FARS2: variants seen among roughly 807,000 people sequenced by gnomAD.
FARS2 encodes the protein phenylalanine--tRNA ligase, mitochondrial.
In FARS2, 40 loss-of-function variants were observed where a neutral mutation model predicts 46.4. The ratio of observed to expected loss-of-function variants is 0.86; its 90% CI spans 0.67 to 1.12. FARS2 has a LOEUF of 1.12. Ranked by LOEUF, FARS2 falls within the 50% of genes most tolerant of loss-of-function variation. The pLI, the probability that FARS2 is intolerant of heterozygous loss-of-function variation, is 0.00. For synonymous variants in FARS2, 234 were observed against 214.9 expected (o/e 1.09, Z -0.78); for missense variants, 513 against 567.9 (o/e 0.90, Z 0.98).
chr6:5,538,491 G>T (rs1437138948), intron 4 of FARS2, among the ~76,000 whole-genome samples: 1 of 152,098 alleles, frequency 6.6e-6, no homozygotes, highest in Non-Finnish European at 1.5e-5. Flanking sequence ...CTCCGATGGG[G>T]CCAAAGTAAA....
At chr6:5,503,593 A>G (rs1767936416) in intron 4 of FARS2, among the ~76,000 whole-genome samples, 1 of 152,142 alleles carries the variant, frequency 6.6e-6, no homozygotes, top group South Asian at 2.1e-4. Flanking sequence ...ACAAGTATAT[A>G]ATATGAAATG....
chr6:5,271,136 A>T (rs1259574517), intron 1 of FARS2, among the ~76,000 whole-genome samples: 1 of 152,158 alleles, frequency 6.6e-6, no homozygotes, highest in Non-Finnish European at 1.5e-5. Flanking sequence ...GGTTTGAGTG[A>T]TGTTGCCAAA....
chr6:5,749,667 C>T (rs954251238), intron 6 of FARS2, among the ~76,000 whole-genome samples: 2 of 152,236 alleles, frequency 1.3e-5, no homozygotes, highest in Non-Finnish European at 2.9e-5. Flanking sequence ...AAACTTCTTC[C>T]TTCTGGCATG....
intron 6 of FARS2, among the ~76,000 whole-genome samples, chr6:5,681,259 A>G (rs1263515293): frequency 1.3e-5 from 2 of 152,368 alleles, no homozygotes; most frequent in East Asian, 3.9e-4. Flanking sequence ...TGGACAAGGA[A>G]CTATTTTGCA....
chr6:5,723,970 G>A (rs1760085274), intron 6 of FARS2, among the ~76,000 whole-genome samples: 1 of 152,182 alleles, frequency 6.6e-6, no homozygotes. Context: ...CAGAGCGGTG[G>A]CCACGCTGGG....
chr6:5,591,712 T>G (rs1773928237), intron 5 of FARS2, among the ~76,000 whole-genome samples: 1 of 152,258 alleles, frequency 6.6e-6, no homozygotes, highest in Non-Finnish European at 1.5e-5. Flanking sequence ...CCTGCCATTA[T>G]ACAATCATCA....
At chr6:5,675,806 T>C (rs2150820383) in intron 6 of FARS2, among the ~76,000 whole-genome samples, 1 of 152,354 alleles carries the variant, frequency 6.6e-6, no homozygotes, top group East Asian at 1.9e-4. Flanking sequence ...ATCGTTTTCA[T>C]TGTTTTCCAT....
At chr6:5,683,673 T>C (rs1258576612) in intron 6 of FARS2, among the ~76,000 whole-genome samples, 1 of 152,106 alleles carries the variant, frequency 6.6e-6, no homozygotes, top group Non-Finnish European at 1.5e-5. Flanking sequence ...TACATAGGTA[T>C]ACATGTGCCA....
chr6:5,610,634 C>G (rs1775125238), intron 5 of FARS2, among the ~76,000 whole-genome samples: 1 of 152,144 alleles, frequency 6.6e-6, no homozygotes, highest in African/African-American at 2.4e-5. Flanking sequence ...CAATCCCCCT[C>G]AGATACTGAG....
At position 5,591,192 on chromosome 6, in the gene FARS2, A is replaced by T. The variant is rs115234842; in HGVS notation, c.1066-21977A>T. Reference sequence around the variant, plus strand: ...TTTCATCTTTTTTGACAAAGTTATAAATTAATTTCCTGGAACTTAGAGAAA... The same window carrying T: ...TTTCATCTTTTTTGACAAAGTTATATATTAATTTCCTGGAACTTAGAGAAA... On this transcript the variant is annotated intron_variant, in intron 5 of 6. Transcript: ENST00000274680. 2.7e-3 allele frequency among the ~76,000 whole-genome samples: 414 copies of T among 152,324 alleles called. 2 individuals are homozygous for T. Among genetic ancestry groups the T allele is most frequent in the African/African-American group, 9.8e-3 (408 of 41,570 alleles).
rs1758216573 is a variant in FARS2, at chr6:5,698,207, C to A, written c.1218-73084C>A. On this transcript the variant is annotated intron_variant, in intron 6 of 6. Transcript: ENST00000274680. ...ACAGAGGTTTAGTTGGCTGTTAGTT[C>A]TGCAGGCTGTACAGGAAGTATCATG... Among the ~76,000 whole-genome samples, 3 of 152,204 alleles carry A rather than the reference C, an allele frequency of 2.0e-5. No individual in the cohort carries two copies. The South Asian group carries it at 6.2e-4, about 31-fold the overall frequency.
chr6:5,647,915 C>T (rs1777158218), intron 6 of FARS2, among the ~76,000 whole-genome samples: 1 of 152,222 alleles, frequency 6.6e-6, no homozygotes, highest in East Asian at 1.9e-4. Flanking sequence ...GTTTGAATCA[C>T]AGCTCGGTAT....
intron 5 of FARS2, among the ~76,000 whole-genome samples, chr6:5,550,208 T>A (rs183735152): frequency 6.6e-6 from 1 of 152,306 alleles, no homozygotes; most frequent in East Asian, 1.9e-4. Flanking sequence ...TGGGGATAAT[T>A]CTCTGTGGCC....
At chr6:5,516,893 C>T (rs1002784763) in intron 4 of FARS2, among the ~76,000 whole-genome samples, 5 of 152,154 alleles carry the variant, frequency 3.3e-5, no homozygotes, top group African/African-American at 7.2e-5. Flanking sequence ...TCAGTGAAGA[C>T]GTATCTGTCC....
chr6:5,295,687 A>C (rs577138828), intron 1 of FARS2, among the ~76,000 whole-genome samples: 2 of 152,308 alleles, frequency 1.3e-5, no homozygotes, highest in Admixed American at 1.3e-4. Flanking sequence ...AGACAGTAGA[A>C]TCGGTTGTTT....
In FARS2 at chr6:5,286,541, G is replaced by C. The variant is rs377716755; in HGVS notation, c.-22+24881G>C. On this transcript the variant is annotated intron_variant, in intron 1 of 6. Transcript: ENST00000274680. ...CCCAGACTGCTAGGATCATAGGTGT[G>C]AGCCACTGTGCCTGACCAATCTGTA... Among the ~76,000 whole-genome samples the C allele has an allele frequency of 5.9e-5, 9 of 152,298 alleles. No homozygotes were observed. In the South Asian group the frequency reaches 1.5e-3, roughly 25 times the overall value.
intron 4 of FARS2, among the ~76,000 whole-genome samples, chr6:5,496,733 T>A (rs1435911771): frequency 6.6e-6 from 1 of 152,208 alleles, no homozygotes; most frequent in Non-Finnish European, 1.5e-5. Flanking sequence ...TATGACCTCA[T>A]TTTAACTAAT....
At chr6:5,564,517 A>G (rs1772212415) in intron 5 of FARS2, among the ~76,000 whole-genome samples, 1 of 152,196 alleles carries the variant, frequency 6.6e-6, no homozygotes, top group Admixed American at 6.5e-5. Context: ...AAAAACAATG[A>G]ATGAGACTAG....
upstream of FARS2, among the ~76,000 whole-genome samples, chr6:5,256,199 G>A (rs2127780632): frequency 1.3e-5 from 2 of 152,152 alleles, no homozygotes; most frequent in Admixed American, 1.3e-4. Context: ...ATTTAAGAAT[G>A]TGGTTCTTGG....
Sources: allele counts gnomAD v4.1 joint callset (sites outside exome capture counted in the v4.1 genomes callset), GRCh38; gene constraint gnomAD v4.1.1; transcripts MANE v1.5; gene names NCBI Gene and HGNC (gene_info 2026-07-23, HGNC 2026-07-21).